CNTNAP5: variants seen among roughly 807,000 people sequenced by gnomAD.
CNTNAP5 encodes contactin-associated protein-like 5.
Under a neutral mutation model 150.2 loss-of-function variants are expected in CNTNAP5, and 72 were observed. That is an observed-to-expected ratio of 0.48 (90% CI 0.40 to 0.58). The LOEUF (loss-of-function observed/expected upper bound fraction) is 0.58. Ranked by LOEUF, CNTNAP5 falls within the 20% of genes least tolerant of loss-of-function variation. The pLI, the probability that CNTNAP5 is intolerant of heterozygous loss-of-function variation, is 0.00. For synonymous variants in CNTNAP5, 672 were observed against 619.8 expected, an observed-to-expected ratio of 1.08 and a Z score of -1.25; for missense variants, 1,636 against 1,626.2, an observed-to-expected ratio of 1.01 and a Z score of -0.10.
intron 13 of CNTNAP5, among the ~76,000 whole-genome samples, chr2:124,741,501 T>C (rs1339695328): frequency 6.6e-6 from 1 of 152,226 alleles, no homozygotes; most frequent in African/African-American, 2.4e-5. Context: ...CTAACCTGTT[T>C]GAATTCTCTT....
At chr2:124,779,102 T>C (rs1681392792) in intron 17 of CNTNAP5, among the ~76,000 whole-genome samples, 1 of 152,196 alleles carries the variant, frequency 6.6e-6, no homozygotes, top group Non-Finnish European at 1.5e-5. Flanking sequence ...AAGGACTTGC[T>C]CTGTGGCTGG....
chr2:124,369,682 T>C (rs1690468913), intron 3 of CNTNAP5, among the ~76,000 whole-genome samples: 1 of 152,182 alleles, frequency 6.6e-6, no homozygotes, highest in African/African-American at 2.4e-5. Context: ...ACAAGGTTTG[T>C]AAGAGCTTGC....
intron 1 of CNTNAP5, among the ~76,000 whole-genome samples, chr2:124,122,705 A>T (rs780273797): frequency 9.9e-5 from 15 of 151,524 alleles, no homozygotes; most frequent in Non-Finnish European, 1.9e-4. Context: ...TTGAGTTGCT[A>T]ATCTTCCTGT....
chr2:124,307,895 T>C (rs566803142), intron 3 of CNTNAP5, among the ~76,000 whole-genome samples: 1 of 152,110 alleles, frequency 6.6e-6, no homozygotes, highest in Non-Finnish European at 1.5e-5. Flanking sequence ...ATGCCAAATT[T>C]CTAATGCCAC....
chr2:124,199,413 C>CTTTTTTTTTTTTTTT (rs70996049), intron 1 of CNTNAP5, among the ~76,000 whole-genome samples: 1 of 110,048 alleles, frequency 9.1e-6, no homozygotes, highest in Non-Finnish European at 1.7e-5. Flanking sequence ...TTCCAAGGTT[C>CTTTTTTTTTTTTTTT]TTTTTTTTTT....
At chr2:124,358,515 G>C (rs549485394) in intron 3 of CNTNAP5, among the ~76,000 whole-genome samples, 4 of 152,204 alleles carry the variant, frequency 2.6e-5, no homozygotes, top group East Asian at 1.9e-4. Context: ...TAGCATGAAG[G>C]GTTGTTGAAT....
intron 1 of CNTNAP5, among the ~76,000 whole-genome samples, chr2:124,113,600 A>T (rs1241540758): frequency 6.8e-6 from 1 of 146,980 alleles, no homozygotes; most frequent in Non-Finnish European, 1.5e-5. Flanking sequence ...TTGTGTTATA[A>T]ATATGTCATC....
At chr2:124,866,142 A>G (rs1677627923) in intron 20 of CNTNAP5, among the ~76,000 whole-genome samples, 1 of 151,834 alleles carries the variant, frequency 6.6e-6, no homozygotes, top group Admixed American at 6.6e-5. Flanking sequence ...ACGCACCTAT[A>G]ATCCCAGCTA....
intron 3 of CNTNAP5, among the ~76,000 whole-genome samples, chr2:124,379,679 T>G (rs1690741096): frequency 6.6e-6 from 1 of 152,138 alleles, no homozygotes; most frequent in Non-Finnish European, 1.5e-5. Flanking sequence ...TAACATTTTA[T>G]TAACTTGGGC....
chr2:124,677,866 A>G (rs1395694212), intron 13 of CNTNAP5, among the ~76,000 whole-genome samples: 1 of 151,844 alleles, frequency 6.6e-6, no homozygotes, highest in African/African-American at 2.4e-5. Context: ...ACCTCTCAAT[A>G]ATTCAGCCGA....
rs771185147 is a variant in CNTNAP5, at chr2:124,914,263, A to C, written c.3899A>C (p.Glu1300Ala). 3 of 1,611,974 alleles carry C rather than the reference A, an allele frequency of 1.9e-6. No individual in the cohort carries two copies. In the Admixed American group the frequency reaches 5.0e-5, roughly 27 times the overall value. The change falls in exon 24 of 24, where the codon GAG becomes GCG. Residue 1300 changes from glutamate to alanine, a missense_variant. Physicochemically the swap from Glu to Ala is moderately radical, Grantham distance 107. Transcript: ENST00000682447. ...ATTGACTTGCAAAACACAGTGAGCG[A>C]GTGTAAACGGGAATATTTCATCTGA... ...NEIDLQNTVS[E>A]CKREYFI
At position 124,446,950 on chromosome 2, in the gene CNTNAP5, T is replaced by G. The variant is rs1309609682; in HGVS notation, c.918+13T>G. 1 of 1,608,698 alleles carries G rather than the reference T, an allele frequency of 6.2e-7. No homozygotes were observed. The highest frequency in any genetic ancestry group is 1.3e-5 in the African/African-American group (1 of 74,822). ...CATTGACTATGAGGTGAGTTGATCC[T>G]CCTTCCTGCACCTCCTCGGCCCCTT... On this transcript the variant is annotated intron_variant, in intron 6 of 23. Transcript: ENST00000682447.
chr2:124,567,135 AG>A (rs1696042022), intron 11 of CNTNAP5, among the ~76,000 whole-genome samples: 3 of 152,170 alleles, frequency 2.0e-5, no homozygotes, highest in African/African-American at 7.2e-5. Context: ...ATGTGAAGCA[AG>A]AGGACAGACT....
intron 11 of CNTNAP5, among the ~76,000 whole-genome samples, chr2:124,592,201 C>T (rs1264858670): frequency 1.3e-5 from 2 of 151,926 alleles, no homozygotes; most frequent in Non-Finnish European, 2.9e-5. Context: ...ATCTTTTTTC[C>T]CCCATTTTTT....
At chr2:124,184,999 T>A (rs1027324379) in intron 1 of CNTNAP5, among the ~76,000 whole-genome samples, 1 of 152,324 alleles carries the variant, frequency 6.6e-6, no homozygotes, top group South Asian at 2.1e-4. Context: ...GTTTGTATAA[T>A]GATTTGAACT....
At chr2:124,706,841 A>AGGG (rs1558743127) in intron 13 of CNTNAP5, among the ~76,000 whole-genome samples, 1 of 3,110 alleles carries the variant, frequency 3.2e-4, no homozygotes, top group African/African-American at 7.0e-4. Flanking sequence ...GAGGAGGGGG[A>AGGG]GGAAGGAGGA....
intron 1 of CNTNAP5, among the ~76,000 whole-genome samples, chr2:124,102,696 A>G (rs1683090894): frequency 2.0e-5 from 3 of 152,144 alleles, no homozygotes; most frequent in Admixed American, 6.5e-5. Flanking sequence ...TGGTTTCTCC[A>G]TCTGCGCTTG....
At chr2:124,089,413 A>G (rs538283912) in intron 1 of CNTNAP5, among the ~76,000 whole-genome samples, 2 of 152,236 alleles carry the variant, frequency 1.3e-5, no homozygotes, top group South Asian at 2.1e-4. Flanking sequence ...TACCCAGGTC[A>G]CAGGAAGGTT....
At position 124,327,113 on chromosome 2, in the gene CNTNAP5, G is replaced by A. The variant is rs374760189; in HGVS notation, c.381+84720G>A. On this transcript the variant is annotated intron_variant, in intron 3 of 23. Coordinates refer to ENST00000682447, the MANE Select transcript of CNTNAP5 (RefSeq NM_001367498.1). The stretch of plus-strand genomic sequence containing the variant: ...CTCCTGCCTCAGCCTCCCAAGTAGC[G>A]GGGACTACAGGAGCCTGCCACCACA... Among the ~76,000 whole-genome samples, 916 of 150,816 alleles carry A rather than the reference G, an allele frequency of 6.1e-3. 10 individuals are homozygous for A. Among genetic ancestry groups the A allele is most frequent in the African/African-American group, 0.02 (840 of 41,084 alleles).
Sources: allele counts gnomAD v4.1 joint callset (sites outside exome capture counted in the v4.1 genomes callset), GRCh38; gene constraint gnomAD v4.1.1; transcripts MANE v1.5; gene names NCBI Gene and HGNC (gene_info 2026-07-23, HGNC 2026-07-21).